Variants in MIER1 observed in about 807,000 individuals in gnomAD.
MIER1 encodes MIER1 transcriptional regulator, also known as mesoderm induction early response protein 1.
MIER1 carries 40 observed loss-of-function variants against 75.7 expected under a neutral mutation model. That is an observed-to-expected ratio of 0.53 (90% CI 0.41 to 0.69). The LOEUF is 0.69. MIER1 is among the 30% of genes least tolerant of loss of function. MIER1 has a pLI of 0.00. For missense variants in MIER1, 574 were observed against 680.2 expected, an observed-to-expected ratio of 0.84 and a Z score of 1.74; for synonymous variants, 213 against 223.4, an observed-to-expected ratio of 0.95 and a Z score of 0.42.
intron 4 of MIER1, among the ~76,000 whole-genome samples, chr1:66,950,486 A>C (rs1467271109): frequency 6.6e-6 from 1 of 152,180 alleles, no homozygotes; most frequent in Non-Finnish European, 1.5e-5. Context: ...TTAAACTCAG[A>C]GACTCTAAAT....
chr1:66,946,461 A>G (rs2101499929), intron 4 of MIER1, 166 bp downstream of exon 4: 1 of 1,352,170 alleles, frequency 7.4e-7, no homozygotes, highest in East Asian at 2.9e-5. Context: ...AAATGAAAGG[A>G]TTTAAAAACA....
Position 66,984,740 on chromosome 1 carries a change from T to C in MIER1, c.1538T>C (p.Met513Thr). The C allele has an allele frequency of 6.2e-7, 1 of 1,614,020 alleles. No homozygotes were observed. Among genetic ancestry groups the C allele is most frequent in the Non-Finnish European group, 8.5e-7 (1 of 1,179,936 alleles). The change falls in exon 14 of 14, where the codon ATG (methionine) becomes ACG (threonine). Residue 513 changes from methionine (M) to threonine (T), a missense_variant. Coordinates refer to ENST00000401041, the MANE Select transcript of MIER1 (RefSeq NM_001077700.3). ...NLTTDPKLAH[M>T]TARNENDFDE... ...ACCACTGACCCAAAACTTGCCCATA[T>C]GACTGCAAGAAATGAAAATGATTTT...
chr1:66,960,599 A>G (rs1327192118), intron 7 of MIER1, among the ~76,000 whole-genome samples: 2 of 152,164 alleles, frequency 1.3e-5, no homozygotes, highest in African/African-American at 4.8e-5. Flanking sequence ...GAATCACTTC[A>G]GCCCAGGAGT....
At position 66,970,766 on chromosome 1, in the gene MIER1, A is replaced by G. The variant is rs750311399; in HGVS notation, c.773-42A>G. Reference sequence around the variant, plus strand: ...AATATGTTTTAACACAAACTCTATCAGTTTTTAGAAATTTGTTTAACATTG... The same window carrying G: ...AATATGTTTTAACACAAACTCTATCGGTTTTTAGAAATTTGTTTAACATTG... On this transcript the variant is annotated intron_variant, in intron 8 of 13. Coordinates refer to ENST00000401041, the MANE Select transcript of MIER1 (RefSeq NM_001077700.3). The G allele has an allele frequency of 2.8e-6, 4 of 1,420,268 alleles. No homozygotes were observed. The South Asian group carries it at 4.5e-5, about 16-fold the overall frequency. 88.0% of individuals were successfully genotyped at this position (1,420,268 alleles called of 1,614,324 possible).
intron 2 of MIER1, among the ~76,000 whole-genome samples, chr1:66,936,755 C>T (rs1264902947): frequency 6.6e-6 from 1 of 151,758 alleles, no homozygotes; most frequent in African/African-American, 2.4e-5. Flanking sequence ...AATCCCAGCA[C>T]TTTGGGAGGC....
chr1:66,958,132 A>G lies in MIER1; in HGVS notation c.413A>G (p.Asp138Gly), dbSNP rs1364547303. Residue 138 changes from aspartate to glycine, a missense_variant, in exon 5 of 14, where the codon GAT becomes GGT. This residue lies in a region of MIER1 where 309 missense variants were observed against 352.8 expected (regional missense o/e 0.88). Coordinates refer to ENST00000401041, the MANE Select transcript of MIER1 (RefSeq NM_001077700.3). Reference protein sequence around the residue: ...YGSTVRLPEEDEEEEEEEEEG... With the variant: ...YGSTVRLPEEGEEEEEEEEEG... Reference sequence around the variant, plus strand: ...AGTACTGTTCGACTACCTGAAGAAGATGAGGAAGAGGAAGAAGAGGAAGAA... The same window carrying G: ...AGTACTGTTCGACTACCTGAAGAAGGTGAGGAAGAGGAAGAAGAGGAAGAA... The G allele has an allele frequency of 1.9e-6, 3 of 1,609,926 alleles. No individual in the cohort carries two copies. Among genetic ancestry groups the G allele is most frequent in the Non-Finnish European group, 2.6e-6 (3 of 1,176,420 alleles).
At chr1:66,975,302 A>AAGTACTTTGG (rs1664480975) in intron 11 of MIER1, among the ~76,000 whole-genome samples, 1 of 152,160 alleles carries the variant, frequency 6.6e-6, no homozygotes, top group Non-Finnish European at 1.5e-5. Flanking sequence ...TGAAGCATGC[A>AAGTACTTTGG]GATTGCTTGA....
chr1:66,943,624 T>A (rs910276558), intron 3 of MIER1, among the ~76,000 whole-genome samples: 2 of 152,238 alleles, frequency 1.3e-5, no homozygotes, highest in African/African-American at 4.8e-5. Context: ...CTCACTGTGT[T>A]GCCCAGGCTT....
At chr1:66,975,426 C>G (rs1664502466) in intron 11 of MIER1, among the ~76,000 whole-genome samples, 1 of 151,630 alleles carries the variant, frequency 6.6e-6, no homozygotes, top group African/African-American at 2.4e-5. Context: ...ATTGAGGGTG[C>G]TGAGGCAGGA....
At chr1:66,943,966 G>A (rs1656859948) in intron 3 of MIER1, among the ~76,000 whole-genome samples, 1 of 148,268 alleles carries the variant, frequency 6.7e-6, no homozygotes, top group African/African-American at 2.5e-5. Context: ...CTTGCTACTT[G>A]AAATCTCTAA....
chr1:66,972,239 T>TATATATATATATATATATACACTAC (rs1558099988), intron 10 of MIER1, among the ~76,000 whole-genome samples: 181 of 68,836 alleles, frequency 2.6e-3, no homozygotes, highest in African/African-American at 0.018. Flanking sequence ...ACACTACATA[T>TATATATATATATATATATACACTAC]ATATATATAT....
chr1:66,932,757 A>G (rs1188103097), intron 2 of MIER1: 3 of 152,150 alleles, frequency 2.0e-5, no homozygotes, highest in Admixed American at 2.0e-4. Context: ...GCAACAGTAT[A>G]TATCTATTTG....
In MIER1 at chr1:66,925,032, G is replaced by C. The variant is rs1374717403; in HGVS notation, c.4G>C (p.Asp2His). 6.5e-7 allele frequency: 1 copy of C among 1,549,228 alleles called. No individual in the cohort carries two copies. Among genetic ancestry groups the C allele is most frequent in the Non-Finnish European group, 8.7e-7 (1 of 1,146,174 alleles). Residue 2 changes from aspartate (D) to histidine (H), a missense_variant, in exon 1 of 14, where the codon GAT becomes CAT. By Grantham distance (81) the Asp-to-His change is moderately conservative. Coordinates refer to ENST00000401041, the MANE Select transcript of MIER1 (RefSeq NM_001077700.3). ...TGAGTCTCCCGGCTGCAGGCGGATG[G>C]ATGGGGCTTCTTCAGGCGGTGGCGG... M[D>H]GASSGGGGSS...
intron 3 of MIER1, among the ~76,000 whole-genome samples, chr1:66,944,574 A>C (rs766892767): frequency 6.6e-6 from 1 of 151,818 alleles, no homozygotes; most frequent in Non-Finnish European, 1.5e-5. Flanking sequence ...TCAGTTAGAC[A>C]TGTTTATTAG....
chr1:66,952,117 C>T (rs1025222348), intron 4 of MIER1, among the ~76,000 whole-genome samples: 1 of 152,154 alleles, frequency 6.6e-6, no homozygotes, highest in Non-Finnish European at 1.5e-5. Flanking sequence ...AGTCTCTGAC[C>T]TATAACTGAA....
At chr1:66,951,408 C>T (rs1242316044) in intron 4 of MIER1, among the ~76,000 whole-genome samples, 5 of 152,088 alleles carry the variant, frequency 3.3e-5, no homozygotes, top group South Asian at 2.1e-4. Context: ...GGATGATAGG[C>T]GTGAGCCACT....
intron 3 of MIER1, among the ~76,000 whole-genome samples, chr1:66,945,303 A>ATG (rs1657315019): frequency 1.7e-5 from 1 of 59,972 alleles, no homozygotes; most frequent in African/African-American, 5.4e-5. Flanking sequence ...ATATATATAT[A>ATG]TATATATATA....
At chr1:66,943,506 GTTCCT>G (rs1256345994) in intron 3 of MIER1, among the ~76,000 whole-genome samples, 2 of 151,986 alleles carry the variant, frequency 1.3e-5, no homozygotes, top group African/African-American at 4.8e-5. Flanking sequence ...TTTAATATCA[GTTCCT>G]TTCCTTTCCT....
chr1:66,982,297 TGTAAG>T (rs1216013156), intron 13 of MIER1, among the ~76,000 whole-genome samples: 7 of 152,148 alleles, frequency 4.6e-5, no homozygotes, highest in Non-Finnish European at 1.0e-4. Context: ...AATACCTTGA[TGTAAG>T]GTAACAAGTG....
Sources: allele counts gnomAD v4.1 joint callset (sites outside exome capture counted in the v4.1 genomes callset), GRCh38; gene constraint gnomAD v4.1.1; regional missense constraint gnomAD v4.1.1; transcripts MANE v1.5; gene names NCBI Gene and HGNC (gene_info 2026-07-23, HGNC 2026-07-21).